Variants in PDE1A observed in about 807,000 individuals in gnomAD.
PDE1A encodes the protein phosphodiesterase 1A, also known as dual specificity calcium/calmodulin-dependent 3',5'-cyclic nucleotide phosphodiesterase 1A.
In PDE1A, 35 loss-of-function variants were observed where a neutral mutation model predicts 61.7. The ratio of observed to expected loss-of-function variants is 0.57; its 90% CI spans 0.43 to 0.75. The LOEUF (loss-of-function observed/expected upper bound fraction) is 0.75, where lower values mean the gene tolerates loss of function less well. Ranked by LOEUF, PDE1A falls within the 30% of genes least tolerant of loss-of-function variation. The probability of loss-of-function intolerance (pLI) is 0.00; values close to 1 mark genes in which losing one functional copy is unlikely to be tolerated. For missense variants in PDE1A, 597 were observed against 630.6 expected, an observed-to-expected ratio of 0.95 and a Z score of 0.57; for synonymous variants, 232 against 213.2, an observed-to-expected ratio of 1.09 and a Z score of -0.77.
At chr2:182,243,970 C>T (rs183241321) in intron 2 of PDE1A, among the ~76,000 whole-genome samples, 8 of 152,074 alleles carry the variant, frequency 5.3e-5, no homozygotes, top group Admixed American at 1.3e-4. Flanking sequence ...CGGGTTCAAG[C>T]GATTCTCCTG....
At chr2:182,281,607 A>G (rs907671962) in intron 1 of PDE1A, among the ~76,000 whole-genome samples, 3 of 152,114 alleles carry the variant, frequency 2.0e-5, no homozygotes, top group Admixed American at 1.3e-4. Flanking sequence ...TACTCTATGT[A>G]CACCATATTC....
intron 2 of PDE1A, among the ~76,000 whole-genome samples, chr2:182,504,410 TAAG>T (rs1689273391): frequency 6.6e-6 from 1 of 152,190 alleles, no homozygotes; most frequent in African/African-American, 2.4e-5. Context: ...TTTAAAAACA[TAAG>T]AATGGAGATA....
intron 2 of PDE1A, among the ~76,000 whole-genome samples, chr2:182,261,025 T>C (rs1233841810): frequency 1.3e-5 from 2 of 152,182 alleles, no homozygotes; most frequent in Non-Finnish European, 2.9e-5. Context: ...ACTTTTATGA[T>C]GTTTAAATAA....
At chr2:182,442,485 C>A (rs1684856163) in intron 2 of PDE1A, among the ~76,000 whole-genome samples, 1 of 151,890 alleles carries the variant, frequency 6.6e-6, no homozygotes. Flanking sequence ...CAGTATTTTA[C>A]CTGTATTAAA....
chr2:182,183,977 G>T (rs1684981111), intron 13 of PDE1A, among the ~76,000 whole-genome samples: 2 of 146,514 alleles, frequency 1.4e-5, no homozygotes, highest in South Asian at 4.3e-4. Context: ...AAGAAGGAAG[G>T]AAGGAACAAA....
the PDE1A span, among the ~76,000 whole-genome samples, chr2:182,530,991 A>G: frequency 6.6e-6 from 1 of 152,188 alleles, no homozygotes; most frequent in South Asian, 2.1e-4. Context: ...TAAATGGGAG[A>G]GAGTAAAGGG....
At chr2:182,231,243 G>A (rs1456808653) in intron 4 of PDE1A, 112 bp from the exon 5 acceptor site, 5 of 672,238 alleles carry the variant, frequency 7.4e-6, no homozygotes, top group African/African-American at 5.4e-5. Context: ...AATTTAGCAT[G>A]TCAAACTACA....
the PDE1A span, chr2:182,716,212 A>C: frequency 1.3e-5 from 2 of 152,466 alleles, no homozygotes; most frequent in Non-Finnish European, 2.9e-5. Flanking sequence ...CTCCCCAGGC[A>C]GCGTCCTCCA....
rs952724752 is a variant in PDE1A, at chr2:182,220,071, CT to C, written c.776+3792del. 2.6e-5 allele frequency among the ~76,000 whole-genome samples: 4 copies of C among 151,126 alleles called. No individual in the cohort carries two copies. The East Asian group carries it at 5.8e-4, about 22-fold the overall frequency. On this transcript the variant is annotated intron_variant, in intron 7 of 13. Transcript: ENST00000351439. ...ATGACCTACCAGGCACTATTACTTT[CT>C]TTTTTTTTCTAGCACTATCATAAAG...
chr2:182,160,157 G>T (rs967059750), intron 13 of PDE1A, among the ~76,000 whole-genome samples: 3 of 152,180 alleles, frequency 2.0e-5, no homozygotes, highest in African/African-American at 4.8e-5. Context: ...AATTGAAAAA[G>T]ATAGTCTAGT....
chr2:182,220,632 A>G (rs533873200), intron 7 of PDE1A, among the ~76,000 whole-genome samples: 1 of 152,210 alleles, frequency 6.6e-6, no homozygotes, highest in African/African-American at 2.4e-5. Flanking sequence ...CTTTTCACAA[A>G]GAGGAAATTA....
At chr2:182,484,040 A>T (rs1400017900) in intron 2 of PDE1A, among the ~76,000 whole-genome samples, 1 of 151,892 alleles carries the variant, frequency 6.6e-6, no homozygotes, top group Non-Finnish European at 1.5e-5. Flanking sequence ...AAAAGATCTA[A>T]ATCACTACAA....
At chr2:182,424,093 C>T (rs1268757094) in intron 1 of PDE1A, among the ~76,000 whole-genome samples, 1 of 151,824 alleles carries the variant, frequency 6.6e-6, no homozygotes, top group Non-Finnish European at 1.5e-5. Context: ...TACAGGTGCA[C>T]ACCACCACAC....
intron 2 of PDE1A, among the ~76,000 whole-genome samples, chr2:182,516,983 A>G (rs1404761087): frequency 6.6e-6 from 1 of 152,134 alleles, no homozygotes; most frequent in Non-Finnish European, 1.5e-5. Flanking sequence ...TCTCCCTTTC[A>G]AATGAAGTAA....
chr2:182,275,253 C>T (rs1047616617), intron 1 of PDE1A, among the ~76,000 whole-genome samples: 6 of 152,008 alleles, frequency 3.9e-5, no homozygotes, highest in African/African-American at 1.4e-4. Context: ...AGAAGAGACA[C>T]AACTAATGTA....
chr2:182,173,137 C>T (rs1692397815), intron 13 of PDE1A, among the ~76,000 whole-genome samples: 2 of 151,956 alleles, frequency 1.3e-5, no homozygotes, highest in Non-Finnish European at 2.9e-5. Flanking sequence ...GCTGGTATTT[C>T]CTGCTCTTCC....
intron 2 of PDE1A, among the ~76,000 whole-genome samples, chr2:182,260,405 G>T (rs1258214255): frequency 2.6e-5 from 4 of 152,098 alleles, no homozygotes; most frequent in African/African-American, 9.7e-5. Flanking sequence ...AAGGGAAATG[G>T]TACTTTAATA....
the PDE1A span, among the ~76,000 whole-genome samples, chr2:182,635,754 G>A: frequency 6.6e-6 from 1 of 151,382 alleles, no homozygotes; most frequent in Admixed American, 6.6e-5. Flanking sequence ...TATGGGAGGT[G>A]AGTTTTTTTG....
At chr2:182,223,208 A>C (rs940431653) in intron 7 of PDE1A, among the ~76,000 whole-genome samples, 53 of 152,150 alleles carry the variant, frequency 3.5e-4, no homozygotes, top group African/African-American at 2.9e-4. Context: ...CTGTAAGTCA[A>C]GAAGAGCAAC....
Sources: allele counts gnomAD v4.1 joint callset (sites outside exome capture counted in the v4.1 genomes callset), GRCh38; gene constraint gnomAD v4.1.1; transcripts MANE v1.5; gene names NCBI Gene and HGNC (gene_info 2026-07-23, HGNC 2026-07-21).